Variants in PLPPR1 observed in about 807,000 individuals in gnomAD.
PLPPR1 encodes phospholipid phosphatase-related protein type 1.
PLPPR1 carries 10 observed loss-of-function variants against 33.1 expected under a neutral mutation model. The ratio of observed to expected loss-of-function variants is 0.30; its 90% confidence interval spans 0.19 to 0.51. The LOEUF is 0.51. Ranked by LOEUF, PLPPR1 falls within the 20% of genes least tolerant of loss-of-function variation. PLPPR1 has a pLI of 0.97. For missense variants in PLPPR1, 304 were observed against 408.1 expected, an observed-to-expected ratio of 0.74 and a Z score of 2.20; for synonymous variants, 151 against 151.0, an observed-to-expected ratio of 1.00 and a Z score of 0.00.
At chr9:101,096,228 C>T (rs1830815534) in intron 1 of PLPPR1, among the ~76,000 whole-genome samples, 1 of 152,144 alleles carries the variant, frequency 6.6e-6, no homozygotes, top group Non-Finnish European at 1.5e-5. Flanking sequence ...CCAGCAGCAT[C>T]AGGAAAGGGC....
intron 1 of PLPPR1, among the ~76,000 whole-genome samples, chr9:101,166,387 T>C (rs61342570): frequency 0.14 from 21,748 of 152,200 alleles, 1,728 homozygotes; most frequent in East Asian, 0.3. Context: ...TAATGACTTG[T>C]TTAATATCAT....
In PLPPR1 at chr9:101,154,121, A is replaced by G. The variant is rs1831640049; in HGVS notation, c.-45-31329A>G. Among the ~76,000 whole-genome samples, 3 of 152,296 alleles carry G rather than the reference A, an allele frequency of 2.0e-5. No individual in the cohort carries two copies. The East Asian group carries it at 5.8e-4, about 29-fold the overall frequency. On this transcript the variant is annotated intron_variant, in intron 1 of 7. Coordinates refer to ENST00000374874, the MANE Select transcript of PLPPR1 (RefSeq NM_207299.2). ...GCTGGATTTGGTTTGCCAGTATTTT[A>G]TTGAGGATTTTTGCATTGATGTTCA...
rs1419146996 is a variant in PLPPR1, at chr9:101,324,265, C to G, written c.*208C>G. On this transcript the variant is annotated 3_prime_UTR_variant, in exon 8 of 8. Coordinates refer to ENST00000374874, the MANE Select transcript of PLPPR1 (RefSeq NM_207299.2). Reference sequence around the variant, plus strand: ...TTTGGTCAGCTTTAATATATTTATGCCAGAATTTTAAAACCAACAAAATTT... The same window carrying G: ...TTTGGTCAGCTTTAATATATTTATGGCAGAATTTTAAAACCAACAAAATTT... 3 of 424,850 alleles carry G rather than the reference C, an allele frequency of 7.1e-6. No individual in the cohort carries two copies. In the East Asian group the frequency reaches 1.0e-4, roughly 14 times the overall value. The allele number at this position is 424,850 out of a possible 1,614,324, so 26.3% of individuals were successfully genotyped here.
chr9:101,249,041 G>C (rs566489259), intron 2 of PLPPR1, among the ~76,000 whole-genome samples: 4 of 152,196 alleles, frequency 2.6e-5, no homozygotes, highest in Non-Finnish European at 5.9e-5. Context: ...GAGTTAGGTA[G>C]AACCACCATG....
rs11339430 is a variant in PLPPR1 at position 101,323,469 on chromosome 9, C to CAAAAAAAAA, written c.946-544_946-536dup. Among the ~76,000 whole-genome samples, 538 of 93,716 alleles carry CAAAAAAAAA rather than the reference C, an allele frequency of 5.7e-3. 3 individuals are homozygous for CAAAAAAAAA. The highest frequency in any genetic ancestry group is 8.8e-3 in the South Asian group (22 of 2,498). 61.5% of individuals were successfully genotyped at this position (93,716 alleles called of 152,430 possible). On this transcript the variant is annotated intron_variant, in intron 7 of 7. Coordinates refer to ENST00000374874, the MANE Select transcript of PLPPR1 (RefSeq NM_207299.2). ...CTGGGTGACAGAGTAAACCCTGTCT[C>CAAAAAAAAA]AAAAAAAAAAAAAAAAAAAAGTTTG...
chr9:101,179,463 A>G (rs967268957), intron 1 of PLPPR1, among the ~76,000 whole-genome samples: 7 of 152,186 alleles, frequency 4.6e-5, no homozygotes, highest in Non-Finnish European at 8.8e-5. Context: ...TTGTGCACGT[A>G]TACACTTGTA....
intron 2 of PLPPR1, among the ~76,000 whole-genome samples, chr9:101,246,267 G>T (rs1827610892): frequency 6.6e-6 from 1 of 151,420 alleles, no homozygotes; most frequent in Non-Finnish European, 1.5e-5. Flanking sequence ...CCTAAGAAAG[G>T]AGTAGTAGCA....
At chr9:101,246,803 C>A (rs1827618769) in intron 2 of PLPPR1, among the ~76,000 whole-genome samples, 1 of 152,162 alleles carries the variant, frequency 6.6e-6, no homozygotes, top group Non-Finnish European at 1.5e-5. Context: ...TGTCTGGGGA[C>A]ACTCCTAGGT....
At chr9:101,241,562 C>T (rs1032522485) in intron 2 of PLPPR1, among the ~76,000 whole-genome samples, 1 of 152,120 alleles carries the variant, frequency 6.6e-6, no homozygotes, top group African/African-American at 2.4e-5. Context: ...CTTCACACCC[C>T]ATTTTGGTTA....
intron 4 of PLPPR1, 46 bp from the exon 5 acceptor site, chr9:101,309,165 T>C (rs770365043): frequency 1.2e-6 from 2 of 1,603,686 alleles, no homozygotes; most frequent in East Asian, 4.5e-5. Flanking sequence ...AAAATGCAAT[T>C]GACAGAGTAT....
At chr9:101,031,633 T>C (rs868734470) in intron 1 of PLPPR1, among the ~76,000 whole-genome samples, 8 of 152,222 alleles carry the variant, frequency 5.3e-5, no homozygotes, top group Non-Finnish European at 1.0e-4. Flanking sequence ...TATTTAACTA[T>C]GATGCAATCT....
intron 2 of PLPPR1, among the ~76,000 whole-genome samples, chr9:101,246,076 A>G (rs1451849025): frequency 1.0e-5 from 1 of 100,252 alleles, no homozygotes; most frequent in African/African-American, 3.2e-5. Flanking sequence ...ATATATATAT[A>G]TATATATATA....
intron 4 of PLPPR1, among the ~76,000 whole-genome samples, chr9:101,301,854 A>G (rs1828760489): frequency 6.6e-6 from 1 of 152,210 alleles, no homozygotes; most frequent in Non-Finnish European, 1.5e-5. Context: ...ACAAAATTGA[A>G]GAATTCGTAT....
intron 7 of PLPPR1, among the ~76,000 whole-genome samples, chr9:101,322,279 T>C (rs562806253): frequency 9.4e-5 from 14 of 149,244 alleles, no homozygotes; most frequent in Admixed American, 4.0e-4. Context: ...CCACAGTTTG[T>C]TAAAGATTTA....
At chr9:101,229,084 A>G (rs1225555491) in intron 2 of PLPPR1, among the ~76,000 whole-genome samples, 2 of 152,110 alleles carry the variant, frequency 1.3e-5, no homozygotes, top group African/African-American at 2.4e-5. Flanking sequence ...AAAAGTTGTT[A>G]GGTCTGCTTC....
At chr9:101,323,056 C>T (rs1188553679) in intron 7 of PLPPR1, among the ~76,000 whole-genome samples, 1 of 152,100 alleles carries the variant, frequency 6.6e-6, no homozygotes, top group Non-Finnish European at 1.5e-5. Flanking sequence ...AATGATAAAA[C>T]ATGTAGAAAG....
At chr9:101,272,208 C>T (rs1828114354) in intron 3 of PLPPR1, among the ~76,000 whole-genome samples, 1 of 151,992 alleles carries the variant, frequency 6.6e-6, no homozygotes, top group Non-Finnish European at 1.5e-5. Flanking sequence ...TATATGAATG[C>T]CAACAGAATA....
At chr9:101,041,494 G>C (rs1830077992) in intron 1 of PLPPR1, among the ~76,000 whole-genome samples, 1 of 152,202 alleles carries the variant, frequency 6.6e-6, no homozygotes, top group Non-Finnish European at 1.5e-5. Context: ...TATATGAACT[G>C]TTATTGAGGA....
At chr9:101,143,932 A>G (rs1472625712) in intron 1 of PLPPR1, among the ~76,000 whole-genome samples, 3 of 152,216 alleles carry the variant, frequency 2.0e-5, no homozygotes, top group Non-Finnish European at 2.9e-5. Flanking sequence ...ATTACTGGGT[A>G]TATACCCAAA....
Sources: allele counts gnomAD v4.1 joint callset (sites outside exome capture counted in the v4.1 genomes callset), GRCh38; gene constraint gnomAD v4.1.1; transcripts MANE v1.5; gene names NCBI Gene and HGNC (gene_info 2026-07-23, HGNC 2026-07-21).